The following GOT2 variants were observed in gnomAD, a reference collection of about 807,000 sequenced individuals.
GOT2 encodes the protein aspartate aminotransferase, mitochondrial.
In GOT2, 17 loss-of-function variants were observed where a neutral mutation model predicts 50.0. The observed-to-expected ratio is 0.34, with a 90% CI of 0.23 to 0.51. The LOEUF (loss-of-function observed/expected upper bound fraction) is 0.51. GOT2 is among the 20% of genes least tolerant of loss of function. The probability of loss-of-function intolerance (pLI) is 0.97; values close to 1 mark genes in which losing one functional copy is unlikely to be tolerated. For synonymous variants in GOT2, 172 were observed against 204.9 expected, an observed-to-expected ratio of 0.84 and a Z score of 1.37; for missense variants, 430 against 559.6, an observed-to-expected ratio of 0.77 and a Z score of 2.34.
chr16:58,720,543 G>A (rs1390479731), intron 3 of GOT2, among the ~76,000 whole-genome samples: 2 of 151,682 alleles, frequency 1.3e-5, no homozygotes, highest in African/African-American at 4.8e-5. Flanking sequence ...CCTCACTGTA[G>A]GTCCGATGAT....
chr16:58,719,043 C>G (rs2044718768), intron 4 of GOT2, among the ~76,000 whole-genome samples, 153 bp downstream of exon 4: 1 of 152,206 alleles, frequency 6.6e-6, no homozygotes, highest in African/African-American at 2.4e-5. Context: ...GTAATTTCTT[C>G]AAAGTCCTTT....
At position 58,716,649 on chromosome 16, in the gene GOT2, A is replaced by C; in HGVS notation, c.853+14T>G. ...AGCATGAGAGCATGTGTCATGCTGG[A>C]TGCTGTAGCTTACCATATAAGCCCA... On this transcript the variant is annotated intron_variant, in intron 7 of 9. Coordinates refer to ENST00000245206, the MANE Select transcript of GOT2 (RefSeq NM_002080.4). 6.2e-7 allele frequency: 1 copy of C among 1,611,860 alleles called. No individual in the cohort carries two copies. Among genetic ancestry groups the C allele is most frequent in the Non-Finnish European group, 8.5e-7 (1 of 1,179,058 alleles).
chr16:58,717,692 CT>C (rs565094001), intron 6 of GOT2, among the ~76,000 whole-genome samples: 112 of 152,234 alleles, frequency 7.4e-4, no homozygotes, highest in Middle Eastern at 3.4e-3. Context: ...AAATTATTTT[CT>C]TTTTTTCTTT....
Position 58,718,233 on chromosome 16 carries a change from C to T in GOT2, c.665G>A (p.Arg222His), listed in dbSNP as rs139235307. 27,007 of 1,613,762 alleles carry T rather than the reference C, an allele frequency of 0.017. 270 individuals carry two copies. Among genetic ancestry groups the T allele is most frequent in the Non-Finnish European group, 0.019 (22,812 of 1,179,620 alleles). The change falls in exon 6 of 10, where the codon CGT (arginine) becomes CAT (histidine). Residue 222 changes from arginine (R) to histidine (H), a missense_variant. Physicochemically the swap from Arg to His is conservative, Grantham distance 29. Transcript: ENST00000245206. ...CAHNPTGVDP[R>H]PEQWKEIATV... ...TGCTATTTCCTTCCACTGTTCCGGA[C>T]GCGGGTCCACTCCCGTGGGATTGTG...
intron 8 of GOT2, among the ~76,000 whole-genome samples, chr16:58,713,953 T>C (rs1223526476): frequency 6.6e-6 from 1 of 152,194 alleles, no homozygotes; most frequent in Non-Finnish European, 1.5e-5. Context: ...TTTACAAGAA[T>C]AGGGGGCAAA....
At chr16:58,718,369 G>T (rs943834687) in intron 5 of GOT2, 69 bp from the exon 6 acceptor site, 1 of 1,410,014 alleles carries the variant, frequency 7.1e-7, no homozygotes, top group African/African-American at 1.4e-5. Flanking sequence ...AAATGCCACA[G>T]GATCGTCATC....
Position 58,734,181 on chromosome 16 carries a change from G to A in GOT2, c.48C>T (p.Ala16=). Residue 16 remains alanine, a synonymous_variant, in exon 1 of 10, where the codon GCC becomes GCT. Coordinates refer to ENST00000245206, the MANE Select transcript of GOT2 (RefSeq NM_002080.4). ...SGRVLPGIAA[A]FHPGLAAAAS... is the part of the protein sequence containing the mutation. Reference sequence around the variant, plus strand: ...CCGCGGCGGCGAGGCCCGGGTGGAAGGCGGCGGCGATCCCGGGGAGGACGC... The same window carrying A: ...CCGCGGCGGCGAGGCCCGGGTGGAAAGCGGCGGCGATCCCGGGGAGGACGC... The A allele has an allele frequency of 1.5e-6, 2 of 1,336,588 alleles. No homozygotes were observed. Among genetic ancestry groups the A allele is most frequent in the Non-Finnish European group, 1.9e-6 (2 of 1,037,828 alleles). 82.8% of individuals were successfully genotyped at this position (1,336,588 alleles called of 1,614,324 possible). A position where few individuals can be genotyped will look rare whatever the true frequency, so the allele number is the denominator to read the frequency against.
At chr16:58,709,991 TA>T (rs369396863) in intron 8 of GOT2, among the ~76,000 whole-genome samples, 3 of 152,224 alleles carry the variant, frequency 2.0e-5, no homozygotes, top group African/African-American at 7.2e-5. Flanking sequence ...AACTGTAGTT[TA>T]ATACCTGTTC....
At chr16:58,718,910 T>C (rs546712818) in intron 4 of GOT2, among the ~76,000 whole-genome samples, 1 of 152,186 alleles carries the variant, frequency 6.6e-6, no homozygotes. Context: ...CTTTCTTCAC[T>C]TGTAAAGGGG....
chr16:58,728,048 C>G (rs1477877260), intron 1 of GOT2, among the ~76,000 whole-genome samples: 1 of 152,202 alleles, frequency 6.6e-6, no homozygotes, highest in East Asian at 1.9e-4. Context: ...ATGGGGCACA[C>G]TTGATGGCAG....
intron 8 of GOT2, among the ~76,000 whole-genome samples, chr16:58,715,428 C>A (rs549026582): frequency 1.3e-5 from 2 of 152,126 alleles, no homozygotes; most frequent in African/African-American, 4.8e-5. Flanking sequence ...AACAAATACT[C>A]GGGAGGCTGA....
At chr16:58,725,130 T>C (rs2044773460) in intron 1 of GOT2, among the ~76,000 whole-genome samples, 1 of 147,484 alleles carries the variant, frequency 6.8e-6, no homozygotes, top group Non-Finnish European at 1.5e-5. Flanking sequence ...TTTTTGGAGC[T>C]GGGGGATGGA....
chr16:58,723,531 T>A (rs1455733004), intron 2 of GOT2, among the ~76,000 whole-genome samples: 1 of 152,174 alleles, frequency 6.6e-6, no homozygotes, highest in Admixed American at 6.6e-5. Flanking sequence ...CACAGAACCA[T>A]AGAAAGTTCA....
chr16:58,717,801 C>T lies in GOT2; in HGVS notation c.702+395G>A, dbSNP rs2044706773. ...CACCTCCTGGGTTCAAGTGATTCTC[C>T]TGCCTCAGCCTCCCAAGTAGCTAGG... On this transcript the variant is annotated intron_variant, in intron 6 of 9. Transcript: ENST00000245206. Among the ~76,000 whole-genome samples the T allele has an allele frequency of 2.0e-5, 3 of 152,304 alleles. No homozygotes were observed. The South Asian group carries it at 6.2e-4, about 32-fold the overall frequency.
At chr16:58,724,558 T>C (rs1402841408) in intron 1 of GOT2, among the ~76,000 whole-genome samples, 1 of 152,188 alleles carries the variant, frequency 6.6e-6, no homozygotes, top group Non-Finnish European at 1.5e-5. Flanking sequence ...TTATTATTTT[T>C]GAGACAGTTT....
At chr16:58,726,963 G>C (rs2044790917) in intron 1 of GOT2, among the ~76,000 whole-genome samples, 1 of 152,090 alleles carries the variant, frequency 6.6e-6, no homozygotes, top group East Asian at 2.0e-4. Flanking sequence ...AGACCAGTCT[G>C]ACCAACACGG....
At chr16:58,716,332 G>A in intron 7 of GOT2, 153 bp from the exon 8 acceptor site, 2 of 718,084 alleles carry the variant, frequency 2.8e-6, no homozygotes, top group Non-Finnish European at 4.5e-6. Flanking sequence ...CCAGAGTGGT[G>A]AACTGAGGCA....
At chr16:58,728,945 C>T (rs1156531331) in intron 1 of GOT2, among the ~76,000 whole-genome samples, 5 of 152,168 alleles carry the variant, frequency 3.3e-5, no homozygotes, top group Non-Finnish European at 7.3e-5. Flanking sequence ...CCTCAGCCTC[C>T]CAAAGTGCTG....
chr16:58,725,966 C>G (rs2044780010), intron 1 of GOT2, among the ~76,000 whole-genome samples: 2 of 152,086 alleles, frequency 1.3e-5, no homozygotes, highest in Admixed American at 1.3e-4. Flanking sequence ...CCCCAAAGAG[C>G]TTTTATTTAT....
Sources: allele counts gnomAD v4.1 joint callset (sites outside exome capture counted in the v4.1 genomes callset), GRCh38; gene constraint gnomAD v4.1.1; transcripts MANE v1.5; gene names NCBI Gene and HGNC (gene_info 2026-07-23, HGNC 2026-07-21).